NLRP8: variants seen among roughly 807,000 people sequenced by gnomAD.
The protein encoded by NLRP8 is NACHT, LRR and PYD domains-containing protein 8.
Under a neutral mutation model 88.7 loss-of-function variants are expected in NLRP8, and 86 were observed. The observed-to-expected ratio is 0.97, with a 90% confidence interval of 0.81 to 1.16. NLRP8 has a LOEUF of 1.16. Ranked by LOEUF, NLRP8 falls within the 50% of genes most tolerant of loss-of-function variation. NLRP8 has a pLI of 0.00. For missense variants in NLRP8, 1,342 were observed against 1,286.5 expected, an observed-to-expected ratio of 1.04 and a Z score of -0.66; for synonymous variants, 504 against 494.6, an observed-to-expected ratio of 1.02 and a Z score of -0.25.
At chr19:55,980,717 A>G (rs1381323410) in intron 9 of NLRP8, among the ~76,000 whole-genome samples, 1 of 152,192 alleles carries the variant, frequency 6.6e-6, no homozygotes, top group African/African-American at 2.4e-5. Flanking sequence ...AGCTCAAAAC[A>G]GAGCCACAGT....
chr19:55,974,748 A>AAG (rs1167539690), intron 7 of NLRP8, among the ~76,000 whole-genome samples: 1 of 151,492 alleles, frequency 6.6e-6, no homozygotes, highest in Non-Finnish European at 1.5e-5. Flanking sequence ...AAAAAAAAAA[A>AAG]AAGAAAGAAA....
rs78378850 is a variant in NLRP8 at position 55,962,333 on chromosome 19, C to T, written c.2213+96C>T. The T allele has an allele frequency of 5.9e-4, 775 of 1,309,316 alleles. 5 individuals are homozygous for T. In the African/African-American group the frequency reaches 8.8e-3, roughly 15 times the overall value. The allele number at this position is 1,309,316 out of a possible 1,614,324, so 81.1% of individuals were successfully genotyped here. On this transcript the variant is annotated intron_variant, in intron 4 of 9. Coordinates refer to ENST00000291971, the MANE Select transcript of NLRP8 (RefSeq NM_176811.2). ...TCCCTCTCCACTCACACTAGACTTCCGGAAAGCACCCATGTCCAGCCTTGG... is the reference window on the plus strand; with the variant it reads ...TCCCTCTCCACTCACACTAGACTTCTGGAAAGCACCCATGTCCAGCCTTGG...
chr19:55,966,377 T>A lies in NLRP8; in HGVS notation c.2378T>A (p.Leu793His). The A allele has an allele frequency of 6.2e-7, 1 of 1,613,448 alleles. No homozygotes were observed. Among genetic ancestry groups the A allele is most frequent in the Non-Finnish European group, 8.5e-7 (1 of 1,179,570 alleles). The stretch of plus-strand genomic sequence containing the variant: ...TCCCCCCGGTGCCGTCTGCAGTGTC[T>A]CAGGTGAGATTTGAGAGGGGGGTTA... Residue 793 changes from leucine to histidine, a missense_variant, in exon 5 of 10, where the codon CTC becomes CAC. Leu to His is a moderately conservative substitution (Grantham distance 99). Transcript: ENST00000291971.
intron 5 of NLRP8, 104 bp from the exon 6 acceptor site, chr19:55,970,440 T>G (rs1174577643): frequency 7.6e-7 from 1 of 1,308,092 alleles, no homozygotes; most frequent in Non-Finnish European, 1.1e-6. Context: ...ATCCCCCGAG[T>G]CTCTGCTGTG....
chr19:55,947,960 C>G lies in NLRP8; in HGVS notation c.58C>G (p.His20Asp). 1 of 1,614,118 alleles carries G rather than the reference C, an allele frequency of 6.2e-7. No homozygotes were observed. Among genetic ancestry groups the G allele is most frequent in the Non-Finnish European group, 8.5e-7 (1 of 1,180,000 alleles). ...CATTCCCTTTTCATCCTCCTCCACTCACAGTTCTCATATTCCGCCCTGGAC... is the reference window on the plus strand; with the variant it reads ...CATTCCCTTTTCATCCTCCTCCACTGACAGTTCTCATATTCCGCCCTGGAC... Residue 20 changes from histidine to aspartate, a missense_variant, in exon 1 of 10, where the codon CAC becomes GAC. Coordinates refer to ENST00000291971, the MANE Select transcript of NLRP8 (RefSeq NM_176811.2).
rs112115028 is a variant in NLRP8 at position 55,952,208 on chromosome 19, T to C, written c.368-330T>C. Among the ~76,000 whole-genome samples, 811 of 152,368 alleles carry C rather than the reference T, an allele frequency of 5.3e-3. 12 individuals carry two copies. Among genetic ancestry groups the C allele is most frequent in the African/African-American group, 0.018 (765 of 41,582 alleles). ...ATACACCCCTACGTAGATATTAAAC[T>C]GTGTATGGATTTTACATACACTTGT... On this transcript the variant is annotated intron_variant, in intron 1 of 9. Transcript: ENST00000291971.
intron 6 of NLRP8, among the ~76,000 whole-genome samples, chr19:55,971,439 C>CAAA (rs34787079): frequency 1.5e-4 from 13 of 86,936 alleles, no homozygotes; most frequent in South Asian, 8.6e-4. Flanking sequence ...AGACTCGTCT[C>CAAA]AAAAAAAAAA....
intron 9 of NLRP8, among the ~76,000 whole-genome samples, chr19:55,984,865 A>C (rs1980737058): frequency 6.6e-6 from 1 of 152,112 alleles, no homozygotes. Flanking sequence ...ATACCTAATA[A>C]ATGGAGAAAT....
chr19:55,957,700 TATATATATATATATATATATATATAA>T lies in NLRP8; in HGVS notation c.2042+1602_2042+1627del, dbSNP rs1440203607. ...ATATATATATATATATATATATATA[TATATATATATATATATATATATATAA>T]AATAAGGTTGTTAAACGTGTTAAAA... On this transcript the variant is annotated intron_variant, in intron 3 of 9. Coordinates refer to ENST00000291971, the MANE Select transcript of NLRP8 (RefSeq NM_176811.2). 8.6e-3 allele frequency among the ~76,000 whole-genome samples: 277 copies of T among 32,256 alleles called. 5 individuals carry two copies. The highest frequency in any genetic ancestry group is 0.022 in the South Asian group (13 of 604). The allele number at this position is 32,256 out of a possible 152,430, so 21.2% of individuals were successfully genotyped here.
chr19:55,959,089 A>G (rs1022812389), intron 3 of NLRP8, among the ~76,000 whole-genome samples: 3 of 148,832 alleles, frequency 2.0e-5, no homozygotes, highest in Admixed American at 6.7e-5. Context: ...TGTATTAGCC[A>G]GGATGGTCTC....
At position 55,966,296 on chromosome 19, in the gene NLRP8, TACA is replaced by T. The variant is rs1979835715; in HGVS notation, c.2301_2303del (p.Gln767del). 1 of 1,613,956 alleles carries T rather than the reference TACA, an allele frequency of 6.2e-7. No individual in the cohort carries two copies. The highest frequency in any genetic ancestry group is 1.1e-5 in the South Asian group (1 of 91,082). On this transcript the variant is annotated inframe_deletion, in exon 5 of 10. Coordinates refer to ENST00000291971, the MANE Select transcript of NLRP8 (RefSeq NM_176811.2). ...AACCAGCATCTGAGATACTTGGAAA[TACA>T]ACATGTGGAAGTGGAGTCCAAAGCT... is the stretch of plus-strand genomic sequence containing the variant.
Position 55,976,310 on chromosome 19 carries a change from G to C in NLRP8, c.2876+7G>C. 6.3e-7 allele frequency: 1 copy of C among 1,591,018 alleles called. No homozygotes were observed. Among genetic ancestry groups the C allele is most frequent in the Non-Finnish European group, 8.5e-7 (1 of 1,172,530 alleles). On this transcript the variant is annotated splice_region_variant and intron_variant, in intron 8 of 9. Coordinates refer to ENST00000291971, the MANE Select transcript of NLRP8 (RefSeq NM_176811.2). The stretch of plus-strand genomic sequence containing the variant: ...GTACATTACAGATCCTGGAGTAAGT[G>C]GCCCCTCGTCTCCTCCTGTGAGACC...
At position 55,974,530 on chromosome 19, in the gene NLRP8, C is replaced by T. The variant is rs988521951; in HGVS notation, c.2705+708C>T. On this transcript the variant is annotated intron_variant, in intron 7 of 9. Transcript: ENST00000291971. ...TTGGGAGTCCGAGGCGGGAGGATCACGAGGTCAGGAGATCGAGACCACAGT... is the reference window on the plus strand; with the variant it reads ...TTGGGAGTCCGAGGCGGGAGGATCATGAGGTCAGGAGATCGAGACCACAGT... 4.6e-5 allele frequency among the ~76,000 whole-genome samples: 7 copies of T among 151,964 alleles called. No individual in the cohort carries two copies. In the East Asian group the frequency reaches 5.8e-4, roughly 13 times the overall value.
chr19:55,976,973 G>A (rs531250637), intron 8 of NLRP8, among the ~76,000 whole-genome samples: 72 of 148,988 alleles, frequency 4.8e-4, no homozygotes, highest in African/African-American at 1.6e-3. Flanking sequence ...CCAGCTAATC[G>A]GGAGGCTGAG....
At chr19:55,973,505 T>C in intron 6 of NLRP8, 147 bp from the exon 7 acceptor site, 1 of 629,284 alleles carries the variant, frequency 1.6e-6, no homozygotes, top group South Asian at 3.6e-5. Flanking sequence ...TGTCCTTTCC[T>C]TGAAAGCTTG....
chr19:55,977,191 C>A (rs1057240129), intron 8 of NLRP8, among the ~76,000 whole-genome samples: 1 of 124,414 alleles, frequency 8.0e-6, no homozygotes, highest in African/African-American at 3.0e-5. Context: ...TACATATATA[C>A]GTATATAAAG....
chr19:55,954,840 A>G lies in NLRP8; in HGVS notation c.782A>G (p.Glu261Gly). 1 of 1,614,190 alleles carries G rather than the reference A, an allele frequency of 6.2e-7. No homozygotes were observed. Among genetic ancestry groups the G allele is most frequent in the Non-Finnish European group, 8.5e-7 (1 of 1,180,030 alleles). ...GACCAGAGCTTCTCCGAGCTGATTG[A>G]GCAAAAGTGGCCTGGATCTCAGGAC... The change falls in exon 3 of 10, where the codon GAG becomes GGG. Residue 261 changes from glutamate (E) to glycine (G), a missense_variant. Physicochemically the swap from Glu to Gly is moderately conservative, Grantham distance 98. Transcript: ENST00000291971.
intron 9 of NLRP8, among the ~76,000 whole-genome samples, chr19:55,986,491 C>T (rs867891238): frequency 2.0e-5 from 3 of 150,534 alleles, no homozygotes; most frequent in African/African-American, 7.4e-5. Context: ...CACACACACA[C>T]ACACACACAC....
At position 55,956,113 on chromosome 19, in the gene NLRP8, G is replaced by A; in HGVS notation, c.2042+13G>A. The A allele has an allele frequency of 6.2e-7, 1 of 1,604,048 alleles. No individual in the cohort carries two copies. Among genetic ancestry groups the A allele is most frequent in the Non-Finnish European group, 8.5e-7 (1 of 1,174,458 alleles). ...ATCCTGGCTCTGAGTAAGTGCTTCGGTCCCTCCTTGGGTAGCCCGTCCTAC... is the reference window on the plus strand; with the variant it reads ...ATCCTGGCTCTGAGTAAGTGCTTCGATCCCTCCTTGGGTAGCCCGTCCTAC... On this transcript the variant is annotated intron_variant, in intron 3 of 9. Transcript: ENST00000291971.
Sources: allele counts gnomAD v4.1 joint callset (sites outside exome capture counted in the v4.1 genomes callset), GRCh38; gene constraint gnomAD v4.1.1; transcripts MANE v1.5; gene names NCBI Gene and HGNC (gene_info 2026-07-23, HGNC 2026-07-21).